The following TRIM33 variants were observed in gnomAD, a reference collection of about 807,000 sequenced individuals.
TRIM33 encodes tripartite motif containing 33.
Under a neutral mutation model 125.4 loss-of-function variants are expected in TRIM33, and 20 were observed. The ratio of observed to expected loss-of-function variants is 0.16; its 90% confidence interval spans 0.11 to 0.23. TRIM33 has a LOEUF of 0.23. TRIM33 is among the 10% of genes least tolerant of loss of function. TRIM33 has a pLI of 1.00. For synonymous variants in TRIM33, 564 were observed against 513.9 expected (o/e 1.10, Z -1.32); for missense variants, 920 against 1,411.4 (o/e 0.65, Z 5.58).
intron 4 of TRIM33, among the ~76,000 whole-genome samples, chr1:114,452,467 A>G (rs1450400265): frequency 6.6e-6 from 1 of 152,054 alleles, no homozygotes; most frequent in Non-Finnish European, 1.5e-5. Context: ...TCAAAAAAGT[A>G]ATAATAATAA....
chr1:114,409,712 T>G (rs1652462093), intron 12 of TRIM33, among the ~76,000 whole-genome samples: 1 of 152,216 alleles, frequency 6.6e-6, no homozygotes, highest in Admixed American at 6.6e-5. Flanking sequence ...TATGTTATTG[T>G]GTCAACTTGG....
intron 1 of TRIM33, among the ~76,000 whole-genome samples, chr1:114,500,108 A>G (rs908955124): frequency 6.6e-6 from 1 of 152,192 alleles, no homozygotes; most frequent in Non-Finnish European, 1.5e-5. Context: ...CGGACGTTGC[A>G]GTGAGCAGAG....
chr1:114,432,447 C>T (rs796208430), intron 5 of TRIM33, among the ~76,000 whole-genome samples: 49 of 152,204 alleles, frequency 3.2e-4, no homozygotes, highest in African/African-American at 1.1e-3. Context: ...TGTGTACAAT[C>T]TACAAGCTCT....
intron 10 of TRIM33, among the ~76,000 whole-genome samples, chr1:114,422,160 T>C (rs78432194): frequency 0.026 from 4,017 of 152,298 alleles, 94 homozygotes; most frequent in Non-Finnish European, 0.034. Flanking sequence ...ACTTGTTTCA[T>C]TGTGAGGGCT....
At position 114,510,751 on chromosome 1, in the gene TRIM33, G is replaced by C. The variant is rs1220654700; in HGVS notation, c.326C>G (p.Pro109Arg). The stretch of plus-strand genomic sequence containing the variant: ...CGGTCCAGGAGGCGGCCCTGCCGAG[G>C]GACCCGGAGCGGGAGCCGAGGCTGG... Reference protein sequence around the residue: ...PAPASAPAPGPSAGPPPGPPA... With the variant: ...PAPASAPAPGRSAGPPPGPPA... The change falls in exon 1 of 20, where the codon CCC (proline) becomes CGC (arginine). Residue 109 changes from proline to arginine, a missense_variant. Physicochemically the swap from Pro to Arg is moderately radical, Grantham distance 103 (BLOSUM62 -2). Transcript: ENST00000358465. 1 of 1,523,484 alleles carries C rather than the reference G, an allele frequency of 6.6e-7. No homozygotes were observed. The highest frequency in any genetic ancestry group is 8.8e-7 in the Non-Finnish European group (1 of 1,140,040). The allele number at this position is 1,523,484 out of a possible 1,614,324, so 94.4% of individuals were successfully genotyped here. A position where few individuals can be genotyped will look rare whatever the true frequency, so the allele number is the denominator to read the frequency against.
rs746877490 is a variant in TRIM33 at position 114,510,930 on chromosome 1, T to TTCCTCC, written c.141_146dup (p.Glu48_Glu49dup). 30 of 1,414,688 alleles carry TTCCTCC rather than the reference T, an allele frequency of 2.1e-5. No homozygotes were observed. Among genetic ancestry groups the TTCCTCC allele is most frequent in the East Asian group, 6.1e-5 (2 of 32,614 alleles). 87.6% of individuals were successfully genotyped at this position (1,414,688 alleles called of 1,614,324 possible). A position where few individuals can be genotyped will look rare whatever the true frequency, so the allele number is the denominator to read the frequency against. On this transcript the variant is annotated inframe_insertion, in exon 1 of 20. Transcript: ENST00000358465. ...CGCCCTCAGCGCCGGCCCTGCCGCC[T>TTCCTCC]TCCTCCTCCTCCTCCTCCACCAGCA...
chr1:114,507,732 C>T (rs1327771649), intron 1 of TRIM33, among the ~76,000 whole-genome samples: 1 of 152,156 alleles, frequency 6.6e-6, no homozygotes, highest in Non-Finnish European at 1.5e-5. Context: ...CAATCTAGTG[C>T]TCTTTCCAGC....
chr1:114,501,198 A>C (rs1652693284), intron 1 of TRIM33, among the ~76,000 whole-genome samples: 1 of 64,646 alleles, frequency 1.5e-5, no homozygotes, highest in Non-Finnish European at 3.3e-5. Context: ...TCAAAAAAAA[A>C]AAAAAAAAAA....
rs573681532 is a variant in TRIM33, at chr1:114,487,903, CAAAAAAA to C, written c.526+22641_526+22647del. 1.4e-3 allele frequency among the ~76,000 whole-genome samples: 52 copies of C among 36,626 alleles called. 1 individual carries two copies. The highest frequency in any genetic ancestry group is 4.2e-3 in the South Asian group (3 of 714). 24.0% of individuals were successfully genotyped at this position (36,626 alleles called of 152,430 possible). A position where few individuals can be genotyped will look rare whatever the true frequency, so the allele number is the denominator to read the frequency against. Reference sequence around the variant, plus strand: ...TGGGCGACAGAGCGAGACTCCGTCTCAAAAAAAAAAAAAAAAAAAAAAAAAAATGAGA... The same window carrying C: ...TGGGCGACAGAGCGAGACTCCGTCTCAAAAAAAAAAAAAAAAAAAATGAGA... On this transcript the variant is annotated intron_variant, in intron 1 of 19. Transcript: ENST00000358465.
intron 13 of TRIM33, among the ~76,000 whole-genome samples, chr1:114,407,344 TCACACACACACACG>T (rs923683686): frequency 2.6e-5 from 4 of 151,928 alleles, no homozygotes; most frequent in African/African-American, 9.7e-5. Context: ...AGCACTTTCT[TCACACACACACACG>T]CACACACACA....
chr1:114,470,275 C>T (rs539430564), intron 1 of TRIM33, among the ~76,000 whole-genome samples: 23 of 152,212 alleles, frequency 1.5e-4, no homozygotes, highest in Middle Eastern at 3.4e-3. Context: ...AATTAGTAGA[C>T]GCCATTTTTC....
At position 114,397,603 on chromosome 1, in the gene TRIM33, TTTCG is replaced by T; in HGVS notation, c.*41_*44del. On this transcript the variant is annotated 3_prime_UTR_variant, in exon 20 of 20. Coordinates refer to ENST00000358465, the MANE Select transcript of TRIM33 (RefSeq NM_015906.4). ...GGGTTTTTTGTGTTTTTTTTTTTTT[TTTCG>T]TTTTTTTTTTTTTAAACAATTGATT... 1.5e-5 allele frequency: 18 copies of T among 1,172,416 alleles called. No homozygotes were observed. Among genetic ancestry groups the T allele is most frequent in the East Asian group, 2.5e-5 (1 of 39,882 alleles). 72.6% of individuals were successfully genotyped at this position (1,172,416 alleles called of 1,614,324 possible). A position where few individuals can be genotyped will look rare whatever the true frequency, so the allele number is the denominator to read the frequency against.
chr1:114,481,377 GGT>G (rs1303608247), intron 1 of TRIM33, among the ~76,000 whole-genome samples: 2 of 151,768 alleles, frequency 1.3e-5, no homozygotes, highest in Non-Finnish European at 2.9e-5. Context: ...TGGATCACGA[GGT>G]CAGGGGTTCA....
At chr1:114,499,260 G>A (rs943109661) in intron 1 of TRIM33, among the ~76,000 whole-genome samples, 2 of 152,120 alleles carry the variant, frequency 1.3e-5, no homozygotes, top group East Asian at 1.9e-4. Flanking sequence ...AAACAAGGGC[G>A]TAAACAAAGA....
At chr1:114,405,808 G>C (rs1265894776) in intron 14 of TRIM33, 49 bp from the exon 15 acceptor site, 1 of 1,469,134 alleles carries the variant, frequency 6.8e-7, no homozygotes, top group Non-Finnish European at 9.3e-7. Context: ...AATCTTTATT[G>C]TATGCCATAT....
chr1:114,462,467 T>C (rs1459390848), intron 4 of TRIM33, among the ~76,000 whole-genome samples: 2 of 152,216 alleles, frequency 1.3e-5, no homozygotes, highest in Admixed American at 1.3e-4. Flanking sequence ...TTCTGGACTA[T>C]GGGTGACACC....
intron 1 of TRIM33, among the ~76,000 whole-genome samples, chr1:114,478,803 T>C (rs1162105012): frequency 6.6e-6 from 1 of 152,136 alleles, no homozygotes; most frequent in African/African-American, 2.4e-5. Flanking sequence ...ATCCCAGCAC[T>C]TTGGGAGGCC....
At chr1:114,480,217 C>G (rs1324613667) in intron 1 of TRIM33, among the ~76,000 whole-genome samples, 2 of 152,036 alleles carry the variant, frequency 1.3e-5, no homozygotes, top group Non-Finnish European at 2.9e-5. Flanking sequence ...GCTGTGTCCA[C>G]TCAGGGTTAA....
chr1:114,501,181 C>T lies in TRIM33; in HGVS notation c.526+9370G>A, dbSNP rs1205024148. ...CTCCAGCCTGGGCGACAGAGCGAGA[C>T]TCCGTCTCAAAAAAAAAAAAAAAAA... On this transcript the variant is annotated intron_variant, in intron 1 of 19. Transcript: ENST00000358465. Among the ~76,000 whole-genome samples, 8 of 58,680 alleles carry T rather than the reference C, an allele frequency of 1.4e-4. 1 individual carries two copies. The highest frequency in any genetic ancestry group is 5.6e-4 in the Admixed American group (4 of 7,138). 38.5% of individuals were successfully genotyped at this position (58,680 alleles called of 152,430 possible). A position where few individuals can be genotyped will look rare whatever the true frequency, so the allele number is the denominator to read the frequency against.
Sources: gnomAD v4.1 joint callset for allele counts (sites outside exome capture counted in the v4.1 genomes callset) on GRCh38, gnomAD v4.1.1 for gene constraint, MANE v1.5 for transcripts, NCBI Gene and HGNC (gene_info 2026-07-23, HGNC 2026-07-21) for gene names.